LHPP: variants seen among roughly 807,000 people sequenced by gnomAD.
LHPP encodes the protein hLHPP.
LHPP carries 24 observed loss-of-function variants against 30.3 expected under a neutral mutation model. The ratio of observed to expected loss-of-function variants is 0.79; its 90% CI spans 0.57 to 1.11. The LOEUF (loss-of-function observed/expected upper bound fraction) is 1.11. Ranked by LOEUF, LHPP falls within the 50% of genes most tolerant of loss-of-function variation. The pLI is 0.00. For missense variants in LHPP, 356 were observed against 367.2 expected, an observed-to-expected ratio of 0.97 and a Z score of 0.25; for synonymous variants, 150 against 157.1, an observed-to-expected ratio of 0.95 and a Z score of 0.34.
At chr10:124,603,564 G>T (rs1475018789) in intron 6 of LHPP, among the ~76,000 whole-genome samples, 1 of 152,058 alleles carries the variant, frequency 6.6e-6, no homozygotes, top group Admixed American at 6.5e-5. Flanking sequence ...TTTTTGTTTG[G>T]ATTTTTTTTT....
At chr10:124,497,401 C>T (rs11599392) in intron 4 of LHPP, among the ~76,000 whole-genome samples, 25,055 of 152,076 alleles carry the variant, frequency 0.16, 2,359 homozygotes, top group African/African-American at 0.26. Context: ...TGCTGACCAC[C>T]GCTCTCATTC....
At chr10:124,482,578 G>A (rs1394196513) in intron 1 of LHPP, among the ~76,000 whole-genome samples, 1 of 152,106 alleles carries the variant, frequency 6.6e-6, no homozygotes, top group East Asian at 1.9e-4. Context: ...GGGATCTTGT[G>A]ATCTTGGCGA....
chr10:124,573,680 C>T (rs1454659606), intron 6 of LHPP, among the ~76,000 whole-genome samples: 7 of 152,190 alleles, frequency 4.6e-5, no homozygotes, highest in African/African-American at 1.7e-4. Context: ...GGTACAGTCC[C>T]TGAAGTGGGA....
chr10:124,513,501 A>G (rs11245249), intron 5 of LHPP, among the ~76,000 whole-genome samples: 18,578 of 110,978 alleles, frequency 0.17, 2,289 homozygotes, highest in South Asian at 0.33. Flanking sequence ...GTCTCACTCC[A>G]TCGCCCATGC....
intron 6 of LHPP, among the ~76,000 whole-genome samples, chr10:124,542,060 G>A (rs906331122): frequency 2.0e-5 from 3 of 152,056 alleles, no homozygotes; most frequent in Non-Finnish European, 2.9e-5. Context: ...CTGCAGACTC[G>A]GTGGCTGCCT....
At chr10:124,486,210 G>C (rs771815333) in intron 2 of LHPP, among the ~76,000 whole-genome samples, 2 of 152,148 alleles carry the variant, frequency 1.3e-5, no homozygotes, top group Non-Finnish European at 2.9e-5. Context: ...TGAAGAGCTA[G>C]ACCATCACCA....
chr10:124,480,253 GC>G (rs1337840829), intron 1 of LHPP, among the ~76,000 whole-genome samples: 1 of 152,212 alleles, frequency 6.6e-6, no homozygotes, highest in Non-Finnish European at 1.5e-5. Context: ...CCCAATGGGA[GC>G]GGACTTACCC....
At chr10:124,514,317 C>A (rs914028093) in intron 5 of LHPP, among the ~76,000 whole-genome samples, 1 of 152,198 alleles carries the variant, frequency 6.6e-6, no homozygotes, top group Non-Finnish European at 1.5e-5. Context: ...ATGTGTATTT[C>A]CAGCTATTGT....
At chr10:124,600,959 T>C (rs1206823801) in intron 6 of LHPP, among the ~76,000 whole-genome samples, 1 of 152,078 alleles carries the variant, frequency 6.6e-6, no homozygotes, top group African/African-American at 2.4e-5. Flanking sequence ...TTGTGGCAGA[T>C]TGATGGGTGC....
Position 124,558,944 on chromosome 10 carries a change from G to A in LHPP, c.716+41673G>A, listed in dbSNP as rs114255034. 1.9e-3 allele frequency among the ~76,000 whole-genome samples: 286 copies of A among 152,324 alleles called. 1 individual carries two copies. Among genetic ancestry groups the A allele is most frequent in the African/African-American group, 6.3e-3 (262 of 41,570 alleles). On this transcript the variant is annotated intron_variant, in intron 6 of 6. Transcript: ENST00000368842. ...TCTCTCGACCTTTTCTGTTGGAATC[G>A]TGGGGCCTTAACACTGGAAGTAAAA... is the stretch of plus-strand genomic sequence containing the variant.
intron 6 of LHPP, among the ~76,000 whole-genome samples, chr10:124,536,166 C>T (rs41560715): frequency 0.026 from 4,024 of 152,362 alleles, 76 homozygotes; most frequent in Non-Finnish European, 0.04. Context: ...CGTGTGCGTG[C>T]AGACTGGCCC....
intron 6 of LHPP, among the ~76,000 whole-genome samples, chr10:124,598,639 A>G (rs76299464): frequency 8.0e-5 from 2 of 25,132 alleles, no homozygotes; most frequent in Non-Finnish European, 1.8e-4. Flanking sequence ...CCGTCCGTCC[A>G]TCCATCCATC....
At position 124,461,886 on chromosome 10, in the gene LHPP, G is replaced by A; in HGVS notation, c.24G>A (p.Leu8=). MAPWGKR[L]AGVRGVLLDI... is the part of the protein sequence containing the mutation. Reference sequence around the variant, plus strand: ...CCATGGCACCGTGGGGCAAGCGGCTGGCTGGCGTGCGCGGGGTGCTGCTTG... The same window carrying A: ...CCATGGCACCGTGGGGCAAGCGGCTAGCTGGCGTGCGCGGGGTGCTGCTTG... The change falls in exon 1 of 7, where the codon CTG becomes CTA. Residue 8 remains leucine (L), a synonymous_variant. Coordinates refer to ENST00000368842, the MANE Select transcript of LHPP (RefSeq NM_022126.4). The A allele has an allele frequency of 1.6e-6, 2 of 1,257,776 alleles. No homozygotes were observed. The highest frequency in any genetic ancestry group is 2.0e-6 in the Non-Finnish European group (2 of 998,050). The allele number at this position is 1,257,776 out of a possible 1,614,324, so 77.9% of individuals were successfully genotyped here.
intron 6 of LHPP, among the ~76,000 whole-genome samples, chr10:124,577,997 G>T (rs1589688025): frequency 2.6e-5 from 4 of 152,220 alleles, no homozygotes; most frequent in African/African-American, 2.4e-5. Flanking sequence ...GCTTTCCAAG[G>T]GCTGGAAGGA....
chr10:124,553,724 G>T (rs543863112), intron 6 of LHPP, among the ~76,000 whole-genome samples: 1 of 152,342 alleles, frequency 6.6e-6, no homozygotes, highest in East Asian at 1.9e-4. Flanking sequence ...CTCCCAAAGT[G>T]CCGGGATTAC....
intron 3 of LHPP, chr10:124,489,710 C>T (rs1176269915): frequency 1.3e-5 from 2 of 157,242 alleles, no homozygotes; most frequent in African/African-American, 4.8e-5. Context: ...CCTTGGCCTC[C>T]CAAAGTGCTG....
rs549190439 is a variant in LHPP at position 124,520,511 on chromosome 10, T to C, written c.716+3240T>C. The stretch of plus-strand genomic sequence containing the variant: ...CCAGACATGGAGTCACCTGCCTCCA[T>C]TGAAGAGGATGGGACTTAGCCCATT... On this transcript the variant is annotated intron_variant, in intron 6 of 6. Coordinates refer to ENST00000368842, the MANE Select transcript of LHPP (RefSeq NM_022126.4). 3.9e-5 allele frequency among the ~76,000 whole-genome samples: 6 copies of C among 152,366 alleles called. No individual in the cohort carries two copies. The South Asian group carries it at 1.0e-3, about 26-fold the overall frequency.
rs1467288491 is a variant in LHPP at position 124,496,277 on chromosome 10, C to T, written c.468-684C>T. Among the ~76,000 whole-genome samples the T allele has an allele frequency of 6.6e-6, 1 of 152,160 alleles. No individual in the cohort carries two copies. Among genetic ancestry groups the T allele is most frequent in the Non-Finnish European group, 1.5e-5 (1 of 68,010 alleles). On this transcript the variant is annotated intron_variant, in intron 3 of 6. Transcript: ENST00000368842. The surrounding 1 kb of genome is among the most constrained non-coding windows in gnomAD (Gnocchi z 4.3). Reference sequence around the variant, plus strand: ...GTGAGTGCCTTGAGGCTCAGTGTGACGCGATCGTAGGGTGAGCCTGGCCGG... The same window carrying T: ...GTGAGTGCCTTGAGGCTCAGTGTGATGCGATCGTAGGGTGAGCCTGGCCGG...
chr10:124,540,122 G>A (rs1187794229), intron 6 of LHPP, among the ~76,000 whole-genome samples: 4 of 152,190 alleles, frequency 2.6e-5, no homozygotes, highest in African/African-American at 9.7e-5. Context: ...ACCTGCAGGT[G>A]CCCTGGCCCA....
Sources: gnomAD v4.1 joint callset for allele counts (sites outside exome capture counted in the v4.1 genomes callset) on GRCh38, gnomAD v4.1.1 for gene constraint, Gnocchi (gnomAD v3.1) non-coding constraint, MANE v1.5 for transcripts, NCBI Gene and HGNC (gene_info 2026-07-23, HGNC 2026-07-21) for gene names.